The following ARRB2 variants were observed in gnomAD, a reference collection of about 807,000 sequenced individuals.
ARRB2 encodes the protein arrestin beta 2, also known as beta-arrestin-2.
A neutral mutation model predicts 53.4 loss-of-function variants in ARRB2; 21 were observed. That is an observed-to-expected ratio of 0.39 (90% confidence interval 0.28 to 0.57). The LOEUF (loss-of-function observed/expected upper bound fraction) is 0.57. Among genes scored for constraint, ARRB2 ranks in the 20% least tolerant of loss-of-function variants. The probability of loss-of-function intolerance (pLI) is 0.55; values close to 1 mark genes in which losing one functional copy is unlikely to be tolerated. For missense variants in ARRB2, 369 were observed against 527.5 expected (o/e 0.70, Z 2.94); for synonymous variants, 180 against 212.9 (o/e 0.85, Z 1.34).
intron 12 of ARRB2, 24 bp from the exon 13 acceptor site, chr17:4,720,369 C>T (rs1180308548): frequency 1.9e-6 from 3 of 1,613,842 alleles, no homozygotes; most frequent in Admixed American, 1.7e-5. Context: ...TCGTCCTCTT[C>T]ACGATGCCTC....
Position 4,710,712 on chromosome 17 carries a change from C to G in ARRB2, c.-10C>G. ...AGCCGCGAACCGAGCGGGCGGCGGGCGCGCGCACCATGGGGGAGAAACCCG... is the reference window on the plus strand; with the variant it reads ...AGCCGCGAACCGAGCGGGCGGCGGGGGCGCGCACCATGGGGGAGAAACCCG... On this transcript the variant is annotated 5_prime_UTR_variant, in exon 1 of 15. Coordinates refer to ENST00000269260, the MANE Select transcript of ARRB2 (RefSeq NM_004313.4). 2.5e-6 allele frequency: 1 copy of G among 398,578 alleles called. No homozygotes were observed. Among genetic ancestry groups the G allele is most frequent in the South Asian group, 1.2e-4 (1 of 8,074 alleles). 24.7% of individuals were successfully genotyped at this position (398,578 alleles called of 1,614,324 possible).
intron 1 of ARRB2, 49 bp downstream of exon 1, chr17:4,710,793 G>C (rs1914307954): frequency 2.5e-6 from 1 of 398,338 alleles, no homozygotes; most frequent in South Asian, 1.2e-4. Flanking sequence ...GGCTCGGGGC[G>C]GGGGCTGGGA....
At chr17:4,711,770 G>T (rs750440976) in intron 1 of ARRB2, among the ~76,000 whole-genome samples, 11 of 152,152 alleles carry the variant, frequency 7.2e-5, no homozygotes, top group Non-Finnish European at 1.5e-4. Context: ...CCTGATTTCC[G>T]TCATGTGGTT....
chr17:4,710,875 G>A, intron 1 of ARRB2, 131 bp downstream of exon 1: 1 of 396,436 alleles, frequency 2.5e-6, no homozygotes. Flanking sequence ...CAGCCATCCG[G>A]GGCCGCACGC....
intron 1 of ARRB2, among the ~76,000 whole-genome samples, chr17:4,712,250 A>G (rs558096994): frequency 6.6e-6 from 1 of 152,354 alleles, no homozygotes; most frequent in African/African-American, 2.4e-5. Context: ...AGCGGCTACC[A>G]TATCGATGTG....
At chr17:4,718,715 C>A in intron 10 of ARRB2, 31 bp downstream of exon 10, 1 of 1,597,258 alleles carries the variant, frequency 6.3e-7, no homozygotes, top group Non-Finnish European at 8.6e-7. Context: ...ATGTTCCAAT[C>A]TAGGGGAGAA....
Position 4,720,577 on chromosome 17 carries a change from T to TC in ARRB2, c.1082-3dup. On this transcript the variant is annotated splice_polypyrimidine_tract_variant and intron_variant, in intron 13 of 14. Coordinates refer to ENST00000269260, the MANE Select transcript of ARRB2 (RefSeq NM_004313.4). ...CCCACCCCCACACCCCCTCTTCCCG[T>TC]CCCCCCAGCCGCTCCGGAGACAGAT... The TC allele has an allele frequency of 2.1e-6, 3 of 1,454,602 alleles. No homozygotes were observed. The highest frequency in any genetic ancestry group is 1.2e-5 in the South Asian group (1 of 82,594). The allele number at this position is 1,454,602 out of a possible 1,614,324, so 90.1% of individuals were successfully genotyped here. A position where few individuals can be genotyped will look rare whatever the true frequency, so the allele number is the denominator to read the frequency against.
In ARRB2 at chr17:4,717,695, T is replaced by C; in HGVS notation, c.428T>C (p.Val143Ala). The C allele has an allele frequency of 6.2e-7, 1 of 1,614,076 alleles. No homozygotes were observed. The highest frequency in any genetic ancestry group is 2.2e-5 in the East Asian group (1 of 44,856). Residue 143 changes from valine (V) to alanine (A), a missense_variant, in exon 7 of 15, where the codon GTA becomes GCA. Physicochemically the swap from Val to Ala is moderately conservative, Grantham distance 64 (BLOSUM62 0). Transcript: ENST00000269260. The surrounding 1 kb of genome is among the most constrained non-coding windows in gnomAD (Gnocchi z 6.0). ...TCTCCCCTCCCCGAGGCCTGCGGCGTAGACTTTGAGATTCGAGCCTTCTGT... is the reference window on the plus strand; with the variant it reads ...TCTCCCCTCCCCGAGGCCTGCGGCGCAGACTTTGAGATTCGAGCCTTCTGT... ...GPEDTGKACGVDFEIRAFCAK... is the reference protein window; with the variant it reads ...GPEDTGKACGADFEIRAFCAK...
Position 4,716,520 on chromosome 17 carries a change from C to CGG in ARRB2, c.270_271dup (p.Val91GlyfsTer17). On this transcript the variant is annotated frameshift_variant, in exon 5 of 15. Coordinates refer to ENST00000269260, the MANE Select transcript of ARRB2 (RefSeq NM_004313.4). LOFTEE classifies it high-confidence loss of function. ...ATCGCCACCTACCAGGCCTTCCCCCCGGTGCCCAACCCACCCCGGCCCCCC... is the reference window on the plus strand; with the variant it reads ...ATCGCCACCTACCAGGCCTTCCCCCCGGGGTGCCCAACCCACCCCGGCCCCCC... The CGG allele has an allele frequency of 6.2e-7, 1 of 1,612,716 alleles. No individual in the cohort carries two copies. Among genetic ancestry groups the CGG allele is most frequent in the Non-Finnish European group, 8.5e-7 (1 of 1,179,534 alleles).
chr17:4,715,263 C>A, intron 2 of ARRB2: 2 of 584,730 alleles, frequency 3.4e-6, no homozygotes, highest in Non-Finnish European at 5.9e-6. Flanking sequence ...AGGCTTGGGT[C>A]CCCAAGCAAG....
chr17:4,720,744 T>C, intron 14 of ARRB2, 104 bp downstream of exon 14: 6 of 1,171,714 alleles, frequency 5.1e-6, no homozygotes, highest in South Asian at 3.0e-5. Context: ...GAGAAGCGGA[T>C]TGTAGCATCA....
At chr17:4,718,820 T>C (rs1915368797) in intron 10 of ARRB2, 136 bp downstream of exon 10, 2 of 974,368 alleles carry the variant, frequency 2.1e-6, no homozygotes, top group Non-Finnish European at 3.0e-6. Flanking sequence ...TTGCTCTTGT[T>C]GCCCAGCCTG....
In ARRB2 at chr17:4,717,930, G is replaced by A. The variant is rs371066182; in HGVS notation, c.528G>A (p.Pro176=). 165 of 1,613,812 alleles carry A rather than the reference G, an allele frequency of 1.0e-4. No individual in the cohort carries two copies. In the South Asian group the frequency reaches 1.4e-3, roughly 14 times the overall value. Residue 176 remains proline (P), a synonymous_variant, in exon 8 of 15, where the codon CCG becomes CCA. Transcript: ENST00000269260. The surrounding 1 kb of genome is among the most constrained non-coding windows in gnomAD (Gnocchi z 6.0). ...TGATCCGAAAGGTGCAGTTCGCCCC[G>A]GAGAAACCCGGCCCCCAGCCTTCAG... ...RLVIRKVQFA[P]EKPGPQPSAE...
rs1328229704 is a variant in ARRB2 at position 4,718,244 on chromosome 17, C to A, written c.622-17C>A. 5.0e-6 allele frequency: 8 copies of A among 1,605,474 alleles called. No individual in the cohort carries two copies. The East Asian group carries it at 1.1e-4, about 22-fold the overall frequency. On this transcript the variant is annotated splice_polypyrimidine_tract_variant and intron_variant, in intron 8 of 14. Transcript: ENST00000269260. Reference sequence around the variant, plus strand: ...TGAAAACCAGTTCCAATTCACATGACCCCCTCCCCCCAAAAGCTGTACTAC... The same window carrying A: ...TGAAAACCAGTTCCAATTCACATGAACCCCTCCCCCCAAAAGCTGTACTAC...
At position 4,717,578 on chromosome 17, in the gene ARRB2, C is replaced by T; in HGVS notation, c.418-107C>T. On this transcript the variant is annotated intron_variant, in intron 6 of 14. Transcript: ENST00000269260. This position sits in a 1 kb window ranked among gnomAD's most constrained non-coding sequence, Gnocchi z 6.0. ...CTTAGTCCCCAGGGTCGTGAGACCA[C>T]AATGAGGCAAGAGTCCCTGCCCGAG... 1 of 1,448,960 alleles carries T rather than the reference C, an allele frequency of 6.9e-7. No homozygotes were observed. The highest frequency in any genetic ancestry group is 9.6e-7 in the Non-Finnish European group (1 of 1,037,526). The allele number at this position is 1,448,960 out of a possible 1,614,324, so 89.8% of individuals were successfully genotyped here. A position where few individuals can be genotyped will look rare whatever the true frequency, so the allele number is the denominator to read the frequency against.
rs570417917 is a variant in ARRB2, at chr17:4,717,681, C to T, written c.418-4C>T. ...AAGATGTGGCCTTTTCTCCCCTCCC[C>T]GAGGCCTGCGGCGTAGACTTTGAGA... On this transcript the variant is annotated splice_polypyrimidine_tract_variant and splice_region_variant and intron_variant, in intron 6 of 14. Coordinates refer to ENST00000269260, the MANE Select transcript of ARRB2 (RefSeq NM_004313.4). The surrounding 1 kb of genome is among the most constrained non-coding windows in gnomAD (Gnocchi z 6.0). The T allele has an allele frequency of 2.6e-5, 42 of 1,614,080 alleles. No individual in the cohort carries two copies. Among genetic ancestry groups the T allele is most frequent in the East Asian group, 2.2e-4 (10 of 44,858 alleles).
rs1412242437 is a variant in ARRB2, at chr17:4,710,733, A to G, written c.12A>G (p.Lys4=). The G allele has an allele frequency of 3.2e-6, 1 of 308,574 alleles. No individual in the cohort carries two copies. The highest frequency in any genetic ancestry group is 5.8e-6 in the Non-Finnish European group (1 of 173,288). The allele number at this position is 308,574 out of a possible 1,614,324, so 19.1% of individuals were successfully genotyped here. MGE[K]PGTRVFKKSS... ...CGGGCGCGCGCACCATGGGGGAGAAACCCGGGACCAGGTAAGGGAGGTGGG... is the reference window on the plus strand; with the variant it reads ...CGGGCGCGCGCACCATGGGGGAGAAGCCCGGGACCAGGTAAGGGAGGTGGG... The change falls in exon 1 of 15, where the codon AAA becomes AAG. Residue 4 remains lysine (K), a synonymous_variant. Transcript: ENST00000269260.
At chr17:4,720,500 CAGAG>C (rs1213617373) in intron 13 of ARRB2, 28 bp downstream of exon 13, 10 of 1,600,364 alleles carry the variant, frequency 6.2e-6, no homozygotes, top group Non-Finnish European at 7.7e-6. Flanking sequence ...CCCAAGCCCT[CAGAG>C]GGAGGGCCTG....
intron 1 of ARRB2, among the ~76,000 whole-genome samples, chr17:4,713,141 G>C (rs1010989861): frequency 3.3e-5 from 5 of 151,506 alleles, no homozygotes; most frequent in African/African-American, 1.2e-4. Context: ...TGGATCACCT[G>C]AGGTCAGAAG....
Sources: allele counts gnomAD v4.1 joint callset (sites outside exome capture counted in the v4.1 genomes callset), GRCh38; gene constraint gnomAD v4.1.1; non-coding constraint Gnocchi (gnomAD v3.1); transcripts MANE v1.5; gene names NCBI Gene and HGNC (gene_info 2026-07-23, HGNC 2026-07-21).